Variants in STK32A observed in about 807,000 individuals in gnomAD.
The protein encoded by STK32A is serine/threonine-protein kinase 32A.
A neutral mutation model predicts 53.2 loss-of-function variants in STK32A; 41 were observed. The ratio of observed to expected loss-of-function variants is 0.77; its 90% CI spans 0.60 to 1.00. The LOEUF is 1.00. Ranked by LOEUF, STK32A falls within the 50% of genes least tolerant of loss-of-function variation. STK32A has a pLI of 0.00. For synonymous variants in STK32A, 166 were observed against 162.8 expected (o/e 1.02, Z -0.15); for missense variants, 458 against 485.8 (o/e 0.94, Z 0.54).
chr5:147,273,490 C>T (rs778150475), intron 2 of STK32A, among the ~76,000 whole-genome samples: 1 of 152,186 alleles, frequency 6.6e-6, no homozygotes, highest in Non-Finnish European at 1.5e-5. Context: ...TGATTTTACC[C>T]ACTCCTCCAC....
At chr5:147,241,764 G>C (rs772693872) in intron 2 of STK32A, among the ~76,000 whole-genome samples, 11 of 152,076 alleles carry the variant, frequency 7.2e-5, no homozygotes, top group Non-Finnish European at 1.2e-4. Context: ...AGACAAATAG[G>C]CTTGCTTTTC....
Position 147,235,087 on chromosome 5 carries a change from A to G in STK32A, c.-209A>G, listed in dbSNP as rs1331547629. 6.4e-6 allele frequency: 1 copy of G among 155,042 alleles called. No homozygotes were observed. Among genetic ancestry groups the G allele is most frequent in the African/African-American group, 2.4e-5 (1 of 41,494 alleles). 9.6% of individuals were successfully genotyped at this position (155,042 alleles called of 1,614,324 possible). The stretch of plus-strand genomic sequence containing the variant: ...CGCAGCCTCCGCCGCTTCCGGGCAG[A>G]TAGGTGCCTTTTCTTGCTCCTTGCT... On this transcript the variant is annotated 5_prime_UTR_variant, in exon 1 of 13. Coordinates refer to ENST00000397936, the MANE Select transcript of STK32A (RefSeq NM_001112724.2).
intron 8 of STK32A, among the ~76,000 whole-genome samples, chr5:147,367,563 A>G (rs558073043): frequency 6.6e-5 from 10 of 152,032 alleles, no homozygotes; most frequent in African/African-American, 2.4e-4. Flanking sequence ...TAAAGGAAAA[A>G]GGGGGGTTGT....
At chr5:147,383,680 T>A (rs1319449747) in intron 12 of STK32A, among the ~76,000 whole-genome samples, 175 bp downstream of exon 12, 1 of 152,224 alleles carries the variant, frequency 6.6e-6, no homozygotes, top group Non-Finnish European at 1.5e-5. Context: ...TAACATTTTT[T>A]AATTGATAAA....
At chr5:147,310,603 T>TA (rs1294250278) in intron 4 of STK32A, among the ~76,000 whole-genome samples, 1 of 152,188 alleles carries the variant, frequency 6.6e-6, no homozygotes, top group African/African-American at 2.4e-5. Context: ...CTCTCCAACT[T>TA]AGACTAGTTT....
At chr5:147,358,508 G>C (rs1756357855) in intron 7 of STK32A, among the ~76,000 whole-genome samples, 1 of 152,146 alleles carries the variant, frequency 6.6e-6, no homozygotes, top group Admixed American at 6.5e-5. Flanking sequence ...GTTCACAATA[G>C]TCCCAAACTG....
intron 11 of STK32A, among the ~76,000 whole-genome samples, chr5:147,379,359 G>A (rs1441037618): frequency 6.6e-6 from 1 of 151,976 alleles, no homozygotes. Flanking sequence ...ATAGAATCTA[G>A]GATGTGATAA....
At chr5:147,284,449 A>G (rs1449314028) in intron 4 of STK32A, among the ~76,000 whole-genome samples, 3 of 152,122 alleles carry the variant, frequency 2.0e-5, no homozygotes, top group Non-Finnish European at 2.9e-5. Flanking sequence ...CATCTAAATC[A>G]GTAAAGAGGA....
At chr5:147,296,961 G>A (rs1344737421) in intron 4 of STK32A, among the ~76,000 whole-genome samples, 1 of 152,114 alleles carries the variant, frequency 6.6e-6, no homozygotes, top group Non-Finnish European at 1.5e-5. Context: ...CCTGGACTCG[G>A]CATGGACAGC....
intron 4 of STK32A, among the ~76,000 whole-genome samples, chr5:147,312,337 C>T (rs895651417): frequency 2.0e-5 from 3 of 152,156 alleles, no homozygotes; most frequent in African/African-American, 7.2e-5. Context: ...CTCCTGATCT[C>T]AGGTGATCCA....
intron 5 of STK32A, among the ~76,000 whole-genome samples, chr5:147,341,325 A>G (rs994536269): frequency 6.6e-6 from 1 of 152,284 alleles, no homozygotes; most frequent in East Asian, 1.9e-4. Context: ...AGTGCTCTGT[A>G]TATACTGTTA....
chr5:147,367,861 C>T (rs527465885), intron 8 of STK32A, among the ~76,000 whole-genome samples: 9 of 152,260 alleles, frequency 5.9e-5, no homozygotes, highest in African/African-American at 1.9e-4. Context: ...GAAAAAATGA[C>T]CAACTATGCT....
intron 2 of STK32A, among the ~76,000 whole-genome samples, chr5:147,267,077 T>G (rs1341905097): frequency 6.6e-6 from 1 of 150,448 alleles, no homozygotes; most frequent in Non-Finnish European, 1.5e-5. Context: ...GAAACAAAGG[T>G]AATTCATCTG....
chr5:147,295,274 T>G (rs1240371333), intron 4 of STK32A, among the ~76,000 whole-genome samples: 1 of 152,230 alleles, frequency 6.6e-6, no homozygotes, highest in Admixed American at 6.5e-5. Context: ...AACTGAAAAG[T>G]TCATTTATAC....
At chr5:147,247,520 A>G (rs1753810637) in intron 2 of STK32A, among the ~76,000 whole-genome samples, 1 of 152,228 alleles carries the variant, frequency 6.6e-6, no homozygotes, top group South Asian at 2.1e-4. Context: ...AAACAAAATT[A>G]ACCTTGTTTT....
chr5:147,383,835 C>G (rs1329575475), intron 12 of STK32A, 55 bp from the exon 13 acceptor site: 1 of 1,330,594 alleles, frequency 7.5e-7, no homozygotes, highest in East Asian at 2.6e-5. Flanking sequence ...AAGCTTAAAC[C>G]TTTCATTTTA....
the STK32A span, chr5:147,401,592 G>A: frequency 6.2e-7 from 1 of 1,613,958 alleles, no homozygotes; most frequent in African/African-American, 1.3e-5. Context: ...GGGCTCAGGG[G>A]TGGGGATGTC....
At chr5:147,351,416 T>A (rs1755971650) in intron 7 of STK32A, among the ~76,000 whole-genome samples, 1 of 152,176 alleles carries the variant, frequency 6.6e-6, no homozygotes, top group African/African-American at 2.4e-5. Context: ...AAATATTAAC[T>A]AATTCAATAA....
At chr5:147,271,912 T>G (rs374658189) in intron 2 of STK32A, among the ~76,000 whole-genome samples, 3 of 152,140 alleles carry the variant, frequency 2.0e-5, no homozygotes, top group African/African-American at 7.2e-5. Context: ...TGCCTTGTGA[T>G]TCTATTACTT....
Sources: gnomAD v4.1 joint callset for allele counts (sites outside exome capture counted in the v4.1 genomes callset) on GRCh38, gnomAD v4.1.1 for gene constraint, MANE v1.5 for transcripts, NCBI Gene and HGNC (gene_info 2026-07-23, HGNC 2026-07-21) for gene names.